Variants in PTPN13 observed in about 807,000 individuals in gnomAD.
The protein encoded by PTPN13 is tyrosine-protein phosphatase non-receptor type 13.
Under a neutral mutation model 284.0 loss-of-function variants are expected in PTPN13, and 191 were observed. That is an observed-to-expected ratio of 0.67 (90% confidence interval 0.60 to 0.76). PTPN13 has a LOEUF of 0.76. Among genes scored for constraint, PTPN13 ranks in the 30% least tolerant of loss-of-function variants. The pLI, the probability that PTPN13 is intolerant of heterozygous loss-of-function variation, is 0.00. For missense variants in PTPN13, 2,797 were observed against 2,939.9 expected (o/e 0.95, Z 1.12); for synonymous variants, 986 against 1,022.3 (o/e 0.96, Z 0.68).
chr4:86,621,103 T>A (rs1422280428), intron 1 of PTPN13, among the ~76,000 whole-genome samples: 1 of 152,172 alleles, frequency 6.6e-6, no homozygotes, highest in African/African-American at 2.4e-5. Context: ...GTTTAATGAA[T>A]TCTGTACACT....
At chr4:86,707,180 A>G (rs924856839) in intron 7 of PTPN13, among the ~76,000 whole-genome samples, 2 of 152,188 alleles carry the variant, frequency 1.3e-5, no homozygotes, top group Admixed American at 6.5e-5. Context: ...CATTAATAGC[A>G]TTTGGCTTCC....
chr4:86,750,981 T>G (rs900531989), intron 18 of PTPN13, 46 bp from the exon 19 acceptor site: 2 of 1,559,390 alleles, frequency 1.3e-6, no homozygotes, highest in African/African-American at 2.7e-5. Context: ...TTCACCATAT[T>G]TTTTTACATT....
rs775010528 is a variant in PTPN13 at position 86,763,132 on chromosome 4, A to G, written c.3959A>G (p.Asp1320Gly). ...SDVTDYSDRG[D>G]SDMDEATYSS... ...GTAACTGATTACTCAGACCGTGGAG[A>G]TTCAGACATGGATGAAGCCACTTAC... The change falls in exon 24 of 48, where the codon GAT (aspartate) becomes GGT (glycine). Residue 1320 changes from aspartate to glycine, a missense_variant. Physicochemically the swap from Asp to Gly is moderately conservative, Grantham distance 94 (BLOSUM62 -1). Coordinates refer to ENST00000411767, the MANE Select transcript of PTPN13 (RefSeq NM_080683.3). The G allele has an allele frequency of 6.2e-7, 1 of 1,613,834 alleles. No individual in the cohort carries two copies. Among genetic ancestry groups the G allele is most frequent in the East Asian group, 2.2e-5 (1 of 44,862 alleles).
At chr4:86,767,299 G>A (rs2149262572) in intron 27 of PTPN13, among the ~76,000 whole-genome samples, 1 of 150,808 alleles carries the variant, frequency 6.6e-6, no homozygotes, top group South Asian at 2.1e-4. Flanking sequence ...AGGCTGGAGT[G>A]CAATGGCATG....
chr4:86,807,415 T>C, intron 44 of PTPN13, 145 bp from the exon 45 acceptor site: 1 of 624,944 alleles, frequency 1.6e-6, no homozygotes, highest in Middle Eastern at 3.7e-4. Flanking sequence ...TGCTACAATT[T>C]GAAAATATAC....
At chr4:86,682,333 G>A (rs888344194) in intron 3 of PTPN13, among the ~76,000 whole-genome samples, 7 of 152,122 alleles carry the variant, frequency 4.6e-5, no homozygotes, top group Admixed American at 6.5e-5. Context: ...TGTGCTGTCC[G>A]TAAGGTACGG....
At chr4:86,622,562 T>A (rs1268341558) in intron 1 of PTPN13, among the ~76,000 whole-genome samples, 1 of 152,188 alleles carries the variant, frequency 6.6e-6, no homozygotes, top group Non-Finnish European at 1.5e-5. Flanking sequence ...CTGTTTTAGA[T>A]TAAAAGAGAT....
At chr4:86,736,122 G>T (rs1735469445) in intron 15 of PTPN13, among the ~76,000 whole-genome samples, 1 of 152,076 alleles carries the variant, frequency 6.6e-6, no homozygotes, top group African/African-American at 2.4e-5. Flanking sequence ...TGTTTGTTTT[G>T]CTTTTTCTCA....
In PTPN13 at chr4:86,811,092, G is replaced by C. The variant is rs1249258116; in HGVS notation, c.7346G>C (p.Gly2449Ala). ...CGCTGCATGAGACTACAAAGACACG[G>C]AATGGTTCAGACAGAGGTGAGTCAT... ...LVRCMRLQRH[G>A]MVQTEDQYIF... The change falls in exon 47 of 48, where the codon GGA becomes GCA. Residue 2449 changes from glycine (G) to alanine (A), a missense_variant. By Grantham distance (60) the Gly-to-Ala change is moderately conservative. Coordinates refer to ENST00000411767, the MANE Select transcript of PTPN13 (RefSeq NM_080683.3). 6.2e-7 allele frequency: 1 copy of C among 1,613,584 alleles called. No homozygotes were observed. The highest frequency in any genetic ancestry group is 8.5e-7 in the Non-Finnish European group (1 of 1,179,654).
At chr4:86,627,235 G>A (rs1432998577) in intron 1 of PTPN13, among the ~76,000 whole-genome samples, 1 of 151,994 alleles carries the variant, frequency 6.6e-6, no homozygotes, top group African/African-American at 2.4e-5. Flanking sequence ...CCAGAGGTCT[G>A]TTCAATAACG....
At chr4:86,681,476 C>T (rs1464051845) in intron 3 of PTPN13, among the ~76,000 whole-genome samples, 1 of 152,160 alleles carries the variant, frequency 6.6e-6, no homozygotes, top group Non-Finnish European at 1.5e-5. Flanking sequence ...CTGCAATTTA[C>T]AGGGCAGCTC....
chr4:86,774,614 A>G, intron 33 of PTPN13, 83 bp downstream of exon 33: 3 of 1,321,352 alleles, frequency 2.3e-6, no homozygotes, highest in Non-Finnish European at 3.1e-6. Context: ...TTATTGTAAT[A>G]CTGTATTTAT....
chr4:86,790,922 A>C (rs985464511), intron 40 of PTPN13, among the ~76,000 whole-genome samples: 7 of 152,158 alleles, frequency 4.6e-5, no homozygotes, highest in Non-Finnish European at 1.0e-4. Context: ...CTCCCAACGA[A>C]ATCGACGCAG....
At chr4:86,740,355 C>T (rs1046731538) in intron 15 of PTPN13, among the ~76,000 whole-genome samples, 1 of 152,200 alleles carries the variant, frequency 6.6e-6, no homozygotes, top group Non-Finnish European at 1.5e-5. Context: ...CTTGACTTCT[C>T]TGCACTCACA....
At chr4:86,787,068 C>T (rs1176715635) in intron 40 of PTPN13, among the ~76,000 whole-genome samples, 2 of 151,328 alleles carry the variant, frequency 1.3e-5, no homozygotes, top group Non-Finnish European at 2.9e-5. Context: ...CATGCCGTTG[C>T]ACTCCAGCCT....
At chr4:86,762,590 A>G (rs1164884664) in intron 23 of PTPN13, 137 bp from the exon 24 acceptor site, 1 of 681,368 alleles carries the variant, frequency 1.5e-6, no homozygotes, top group Non-Finnish European at 2.4e-6. Context: ...AAGAAAGTCT[A>G]CCAAACACAT....
chr4:86,814,513 G>C lies in PTPN13; in HGVS notation c.7420G>C (p.Glu2474Gln). The change falls in exon 48 of 48, where the codon GAA becomes CAA. Residue 2474 changes from glutamate to glutamine, a missense_variant. Physicochemically the swap from Glu to Gln is conservative, Grantham distance 29. Transcript: ENST00000411767. Reference sequence around the variant, plus strand: ...TTATGTCCTGACACGTCTTCAAGCAGAAGAAGAGCAAAAACAGCAGCCTCA... The same window carrying C: ...TTATGTCCTGACACGTCTTCAAGCACAAGAAGAGCAAAAACAGCAGCCTCA... ...ILYVLTRLQAEEEQKQQPQLL... is the reference protein window; with the variant it reads ...ILYVLTRLQAQEEQKQQPQLL... The C allele has an allele frequency of 6.2e-7, 1 of 1,612,902 alleles. No individual in the cohort carries two copies. The highest frequency in any genetic ancestry group is 1.3e-5 in the African/African-American group (1 of 74,824).
At chr4:86,613,633 C>CAAAAAAA (rs544971012) in intron 1 of PTPN13, among the ~76,000 whole-genome samples, 1 of 61,542 alleles carries the variant, frequency 1.6e-5, no homozygotes, top group Non-Finnish European at 3.6e-5. Context: ...GACTCCGTCT[C>CAAAAAAA]AAAAAAAAAA....
At chr4:86,672,256 A>G in intron 2 of PTPN13, 109 bp from the exon 3 acceptor site, 1 of 894,260 alleles carries the variant, frequency 1.1e-6, no homozygotes, top group Non-Finnish European at 1.6e-6. Flanking sequence ...TAACATCTAT[A>G]CAAATAGGCT....
Sources: gnomAD v4.1 joint callset for allele counts (sites outside exome capture counted in the v4.1 genomes callset) on GRCh38, gnomAD v4.1.1 for gene constraint, MANE v1.5 for transcripts, NCBI Gene and HGNC (gene_info 2026-07-23, HGNC 2026-07-21) for gene names.